The following GREB1L variants were observed in gnomAD, a reference collection of about 807,000 sequenced individuals.
The protein encoded by GREB1L is GREB1 like retinoic acid receptor coactivator.
A neutral mutation model predicts 200.8 loss-of-function variants in GREB1L; 17 were observed. That is an observed-to-expected ratio of 0.08 (90% CI 0.06 to 0.13). The LOEUF (loss-of-function observed/expected upper bound fraction) is 0.13, where lower values mean the gene tolerates loss of function less well. GREB1L is among the 10% of genes least tolerant of loss of function. The pLI is 1.00. For synonymous variants in GREB1L, 789 were observed against 893.0 expected, an observed-to-expected ratio of 0.88 and a Z score of 2.08; for missense variants, 1,657 against 2,367.7, an observed-to-expected ratio of 0.70 and a Z score of 6.23.
chr18:21,431,919 CTTTTTTTTTTTTT>C (rs773523492), intron 7 of GREB1L, among the ~76,000 whole-genome samples: 2 of 91,278 alleles, frequency 2.2e-5, no homozygotes, highest in African/African-American at 1.1e-4. Flanking sequence ...CTTTTCTTTT[CTTTTTTTTTTTTT>C]TTTTTTTTGA....
chr18:21,273,481 TTTAA>T (rs1465267965), intron 1 of GREB1L, among the ~76,000 whole-genome samples: 9 of 152,176 alleles, frequency 5.9e-5, no homozygotes, highest in Non-Finnish European at 1.3e-4. Context: ...ACTTAACTAT[TTTAA>T]TTGTCTATTC....
chr18:21,418,404 A>G (rs1169284623), intron 7 of GREB1L, among the ~76,000 whole-genome samples: 1 of 152,218 alleles, frequency 6.6e-6, no homozygotes, highest in Non-Finnish European at 1.5e-5. Context: ...TACATTACTT[A>G]TAATACTGAA....
At chr18:21,295,609 A>G (rs2038514552) in intron 1 of GREB1L, among the ~76,000 whole-genome samples, 1 of 152,208 alleles carries the variant, frequency 6.6e-6, no homozygotes, top group Non-Finnish European at 1.5e-5. Flanking sequence ...GATTCATCTA[A>G]CATTTGTACC....
chr18:21,339,340 GA>G (rs762332658), intron 1 of GREB1L, among the ~76,000 whole-genome samples: 26 of 152,200 alleles, frequency 1.7e-4, no homozygotes, highest in Non-Finnish European at 3.4e-4. Context: ...CTGTCAGTCT[GA>G]CCTCAGATAT....
intron 1 of GREB1L, among the ~76,000 whole-genome samples, chr18:21,259,836 C>T (rs1055179323): frequency 1.3e-4 from 20 of 151,684 alleles, no homozygotes; most frequent in African/African-American, 4.6e-4. Context: ...ATTAAGGTAC[C>T]TATAAATAAT....
intron 30 of GREB1L, 22 bp from the exon 31 acceptor site, chr18:21,518,012 A>G: frequency 6.5e-7 from 1 of 1,538,892 alleles, no homozygotes; most frequent in Non-Finnish European, 8.8e-7. Context: ...GTTTCCCATG[A>G]TCATCTCGCC....
At chr18:21,481,069 TAA>T (rs527951454) in intron 17 of GREB1L, among the ~76,000 whole-genome samples, 47 of 152,230 alleles carry the variant, frequency 3.1e-4, no homozygotes, top group Non-Finnish European at 5.9e-5. Context: ...AGTACATATC[TAA>T]GTCACTATTA....
intron 1 of GREB1L, among the ~76,000 whole-genome samples, chr18:21,249,719 G>T (rs576462356): frequency 6.6e-6 from 1 of 152,192 alleles, no homozygotes; most frequent in South Asian, 2.1e-4. Flanking sequence ...AATTAGCCAG[G>T]CATCGTGGTG....
chr18:21,294,260 A>C (rs1400359074), intron 1 of GREB1L, among the ~76,000 whole-genome samples: 2 of 152,138 alleles, frequency 1.3e-5, no homozygotes, highest in African/African-American at 4.8e-5. Flanking sequence ...GGCTATCATT[A>C]GATAGCACAG....
At position 21,366,151 on chromosome 18, in the gene GREB1L, T is replaced by C. The variant is rs1348790865; in HGVS notation, c.-10+15T>C. On this transcript the variant is annotated intron_variant, in intron 2 of 32. Coordinates refer to ENST00000424526, the MANE Select transcript of GREB1L (RefSeq NM_001142966.3). Reference sequence around the variant, plus strand: ...AATAAACCAAGGTATTGTACAATTATATATGACCCTCCCCAATTTTTCAAG... The same window carrying C: ...AATAAACCAAGGTATTGTACAATTACATATGACCCTCCCCAATTTTTCAAG... The C allele has an allele frequency of 6.6e-6, 1 of 152,166 alleles. No individual in the cohort carries two copies. Among genetic ancestry groups the C allele is most frequent in the African/African-American group, 2.4e-5 (1 of 41,450 alleles). 9.4% of individuals were successfully genotyped at this position (152,166 alleles called of 1,614,324 possible).
chr18:21,427,598 T>C (rs1598814888), intron 7 of GREB1L, among the ~76,000 whole-genome samples: 1 of 152,240 alleles, frequency 6.6e-6, no homozygotes, highest in African/African-American at 2.4e-5. Context: ...TAAGTAGTTA[T>C]TATTTCTGAT....
At chr18:21,292,763 C>T (rs536867258) in intron 1 of GREB1L, among the ~76,000 whole-genome samples, 1 of 152,298 alleles carries the variant, frequency 6.6e-6, no homozygotes, top group East Asian at 1.9e-4. Context: ...TTTGTTACTT[C>T]CTGCTATGGG....
intron 2 of GREB1L, among the ~76,000 whole-genome samples, chr18:21,376,605 C>T (rs1490320472): frequency 6.6e-6 from 1 of 151,090 alleles, no homozygotes; most frequent in Non-Finnish European, 1.5e-5. Flanking sequence ...GAGATGGAGA[C>T]CATCCTGGCT....
At chr18:21,470,763 AAAAC>A (rs1376072633) in intron 15 of GREB1L, among the ~76,000 whole-genome samples, 1 of 152,238 alleles carries the variant, frequency 6.6e-6, no homozygotes, top group Non-Finnish European at 1.5e-5. Flanking sequence ...GCATAGAAAA[AAAAC>A]AGGAAAGAAA....
At chr18:21,321,276 C>T (rs1598656652) in intron 1 of GREB1L, among the ~76,000 whole-genome samples, 1 of 152,012 alleles carries the variant, frequency 6.6e-6, no homozygotes, top group Non-Finnish European at 1.5e-5. Flanking sequence ...GCCTGGGCGA[C>T]AGAAGTCTCA....
chr18:21,279,905 A>G (rs1483991787), intron 1 of GREB1L, among the ~76,000 whole-genome samples: 1 of 152,228 alleles, frequency 6.6e-6, no homozygotes, highest in Admixed American at 6.5e-5. Context: ...TTAGCTTTAC[A>G]GAAAAATGAA....
chr18:21,421,397 C>A (rs1228318398), intron 7 of GREB1L, among the ~76,000 whole-genome samples: 1 of 152,052 alleles, frequency 6.6e-6, no homozygotes, highest in Non-Finnish European at 1.5e-5. Flanking sequence ...TCAACTGAAT[C>A]AAAAATAAAA....
intron 1 of GREB1L, among the ~76,000 whole-genome samples, chr18:21,304,741 A>C (rs778912599): frequency 4.2e-4 from 64 of 152,194 alleles, no homozygotes; most frequent in Non-Finnish European, 5.3e-4. Context: ...CTAGGTTTTT[A>C]TAGCCTGAGC....
chr18:21,425,950 A>G (rs772284173), intron 7 of GREB1L, among the ~76,000 whole-genome samples: 1 of 151,770 alleles, frequency 6.6e-6, no homozygotes, highest in African/African-American at 2.4e-5. Context: ...CTAAGAAACC[A>G]TTGCCTAATC....
Sources: gnomAD v4.1 joint callset for allele counts (sites outside exome capture counted in the v4.1 genomes callset) on GRCh38, gnomAD v4.1.1 for gene constraint, MANE v1.5 for transcripts, NCBI Gene and HGNC (gene_info 2026-07-23, HGNC 2026-07-21) for gene names.